Variants in WDR49 observed in about 807,000 individuals in gnomAD.
WDR49 encodes the protein WD repeat domain 49, also known as cilia- and flagella-associated protein 337.
Under a neutral mutation model 119.5 loss-of-function variants are expected in WDR49, and 107 were observed. The observed-to-expected ratio is 0.90, with a 90% CI of 0.77 to 1.05. The LOEUF (loss-of-function observed/expected upper bound fraction) is 1.05, where lower values mean the gene tolerates loss of function less well. Ranked by LOEUF, WDR49 falls within the 50% of genes least tolerant of loss-of-function variation. The probability of loss-of-function intolerance (pLI) is 0.00; values close to 1 mark genes in which losing one functional copy is unlikely to be tolerated. For synonymous variants in WDR49, 425 were observed against 418.8 expected (o/e 1.01, Z -0.18); for missense variants, 1,240 against 1,220.5 (o/e 1.02, Z -0.24).
intron 8 of WDR49, among the ~76,000 whole-genome samples, chr3:167,572,437 A>G (rs1282081477): frequency 6.6e-6 from 1 of 152,248 alleles, no homozygotes; most frequent in Non-Finnish European, 1.5e-5. Context: ...ACATGTTGAA[A>G]TAACAACACA....
At chr3:167,556,212 A>G (rs2108266901) in intron 9 of WDR49, among the ~76,000 whole-genome samples, 1 of 152,338 alleles carries the variant, frequency 6.6e-6, no homozygotes, top group South Asian at 2.1e-4. Flanking sequence ...AAAATCATGA[A>G]GAAAACGATT....
chr3:167,631,925 T>C (rs527334132), intron 2 of WDR49, among the ~76,000 whole-genome samples: 1 of 152,236 alleles, frequency 6.6e-6, no homozygotes, highest in Admixed American at 6.5e-5. Context: ...ATAATTGATA[T>C]CGAGCCCTTT....
chr3:167,630,105 T>A (rs1717303092), intron 2 of WDR49, among the ~76,000 whole-genome samples: 1 of 152,122 alleles, frequency 6.6e-6, no homozygotes, highest in African/African-American at 2.4e-5. Context: ...ATAGATCTCA[T>A]GCTACAGAGA....
In WDR49 at chr3:167,484,752, C is replaced by G. The variant is rs7633903; in HGVS notation, c.3032-5756G>C. ...CAAACAGGCTGATTTGTCAAATTTC[C>G]TGTGGTTTGTGGCTGGAGATGGTGG... On this transcript the variant is annotated intron_variant, in intron 18 of 18. Coordinates refer to ENST00000682715, the MANE Select transcript of WDR49 (RefSeq NM_001366157.1). 5.9e-3 allele frequency among the ~76,000 whole-genome samples: 896 copies of G among 151,382 alleles called. 8 individuals carry two copies. The highest frequency in any genetic ancestry group is 0.021 in the African/African-American group (851 of 41,254).
At chr3:167,595,196 C>T (rs980525034) in intron 7 of WDR49, among the ~76,000 whole-genome samples, 13 of 152,098 alleles carry the variant, frequency 8.5e-5, no homozygotes, top group African/African-American at 3.1e-4. Flanking sequence ...GAACTACAAA[C>T]CACTGCTCAA....
chr3:167,651,288 T>A (rs1718367351), intron 2 of WDR49, among the ~76,000 whole-genome samples: 1 of 152,186 alleles, frequency 6.6e-6, no homozygotes, highest in South Asian at 2.1e-4. Flanking sequence ...ATCTTGACAT[T>A]TCTAAGAGCA....
At chr3:167,657,718 G>A (rs530574488), upstream of WDR49, among the ~76,000 whole-genome samples, 1 of 152,072 alleles carries the variant, frequency 6.6e-6, no homozygotes, top group African/African-American at 2.4e-5. Context: ...CCTCATTTCC[G>A]GCCCAGCCTT....
At chr3:167,605,025 T>G (rs1715982705) in intron 5 of WDR49, among the ~76,000 whole-genome samples, 1 of 151,470 alleles carries the variant, frequency 6.6e-6, no homozygotes. Flanking sequence ...TGTGTGTGTG[T>G]GTGTGTGTGT....
intron 5 of WDR49, among the ~76,000 whole-genome samples, chr3:167,618,120 C>T (rs747426135): frequency 6.6e-6 from 1 of 152,040 alleles, no homozygotes; most frequent in African/African-American, 2.4e-5. Context: ...CTCATGTTGC[C>T]CACGTTCTCT....
At chr3:167,526,351 G>A (rs1403939539) in intron 15 of WDR49, among the ~76,000 whole-genome samples, 1 of 152,100 alleles carries the variant, frequency 6.6e-6, no homozygotes, top group Non-Finnish European at 1.5e-5. Context: ...TTATTTCTTG[G>A]TTCGACCCCG....
intron 10 of WDR49, among the ~76,000 whole-genome samples, chr3:167,542,270 A>T (rs533857329): frequency 1.8e-4 from 27 of 152,276 alleles, no homozygotes; most frequent in Admixed American, 3.9e-4. Context: ...ATTAAACTAT[A>T]CCCTAGAACA....
chr3:167,629,202 T>C (rs1339310801), intron 2 of WDR49, among the ~76,000 whole-genome samples: 1 of 152,058 alleles, frequency 6.6e-6, no homozygotes, highest in African/African-American at 2.4e-5. Context: ...CAGTGAGCTA[T>C]GATTGTGCCA....
chr3:167,585,602 G>C (rs1714770155), intron 7 of WDR49, among the ~76,000 whole-genome samples: 1 of 151,550 alleles, frequency 6.6e-6, no homozygotes, highest in Non-Finnish European at 1.5e-5. Context: ...ATACTGTTTA[G>C]GAAAAAGCAA....
At chr3:167,574,610 T>C (rs969578403) in intron 8 of WDR49, among the ~76,000 whole-genome samples, 2 of 151,026 alleles carry the variant, frequency 1.3e-5, no homozygotes, top group African/African-American at 4.8e-5. Context: ...TGGTTGCCTA[T>C]AAGTGGCATG....
intron 7 of WDR49, among the ~76,000 whole-genome samples, chr3:167,588,749 T>C (rs138092025): frequency 6.6e-6 from 1 of 152,264 alleles, no homozygotes; most frequent in East Asian, 1.9e-4. Context: ...TTGAGAAATG[T>C]CTGTTCAGGT....
intron 16 of WDR49, among the ~76,000 whole-genome samples, chr3:167,507,956 G>A (rs1247091833): frequency 2.0e-5 from 3 of 152,212 alleles, no homozygotes; most frequent in Admixed American, 6.5e-5. Context: ...GCAGAATAAT[G>A]TAATACCAGG....
intron 18 of WDR49, among the ~76,000 whole-genome samples, chr3:167,485,152 A>G (rs1244670894): frequency 6.6e-6 from 1 of 152,084 alleles, no homozygotes; most frequent in East Asian, 1.9e-4. Flanking sequence ...ATGAGAACAC[A>G]TGGACACAGG....
chr3:167,517,707 T>TC (rs1420314024), intron 16 of WDR49, among the ~76,000 whole-genome samples: 9 of 146,300 alleles, frequency 6.2e-5, no homozygotes, highest in Admixed American at 2.0e-4. Flanking sequence ...CCTTTACTTT[T>TC]TTTTTCTTTT....
At chr3:167,490,733 T>C (rs541396095) in intron 18 of WDR49, among the ~76,000 whole-genome samples, 18 of 152,244 alleles carry the variant, frequency 1.2e-4, no homozygotes, top group African/African-American at 4.3e-4. Context: ...TAGATTCTAG[T>C]TGAGTTCACT....
Sources: gnomAD v4.1 joint callset for allele counts (sites outside exome capture counted in the v4.1 genomes callset) on GRCh38, gnomAD v4.1.1 for gene constraint, MANE v1.5 for transcripts, NCBI Gene and HGNC (gene_info 2026-07-23, HGNC 2026-07-21) for gene names.